Variants in PLIN1 observed in about 807,000 individuals in gnomAD.
The protein encoded by PLIN1 is perilipin-1.
PLIN1 carries 37 observed loss-of-function variants against 45.8 expected under a neutral mutation model. The observed-to-expected ratio is 0.81, with a 90% CI of 0.62 to 1.06. PLIN1 has a LOEUF of 1.06. PLIN1 is among the 50% of genes least tolerant of loss of function. The probability of loss-of-function intolerance (pLI) is 0.00; values close to 1 mark genes in which losing one functional copy is unlikely to be tolerated. For missense variants in PLIN1, 776 were observed against 716.5 expected, an observed-to-expected ratio of 1.08 and a Z score of -0.95; for synonymous variants, 340 against 309.2, an observed-to-expected ratio of 1.10 and a Z score of -1.05.
intron 2 of PLIN1, among the ~76,000 whole-genome samples, chr15:89,673,890 T>C (rs1370514011): frequency 6.6e-6 from 1 of 152,212 alleles, no homozygotes; most frequent in African/African-American, 2.4e-5. Flanking sequence ...CCACAGCCCT[T>C]GCTGCCTGGC....
intron 8 of PLIN1, 114 bp from the exon 9 acceptor site, chr15:89,666,056 G>C: frequency 2.6e-6 from 2 of 776,224 alleles, no homozygotes; most frequent in Non-Finnish European, 3.7e-6. Flanking sequence ...CCGTCAGGAG[G>C]ACACAGGCTG....
At chr15:89,671,351 C>A in intron 4 of PLIN1, 131 bp downstream of exon 4, 1 of 691,816 alleles carries the variant, frequency 1.4e-6, no homozygotes. Flanking sequence ...AGGCACTCTC[C>A]GCCAGCCTTG....
chr15:89,667,111 G>T lies in PLIN1; in HGVS notation c.1034C>A (p.Thr345Asn). 6.2e-7 allele frequency: 1 copy of T among 1,614,064 alleles called. No individual in the cohort carries two copies. The highest frequency in any genetic ancestry group is 8.5e-7 in the Non-Finnish European group (1 of 1,180,000). The change falls in exon 8 of 9, where the codon ACC becomes AAC. Residue 345 changes from threonine to asparagine, a missense_variant. Thr to Asn is a moderately conservative substitution (Grantham distance 65, BLOSUM62 0). Transcript: ENST00000300055. ...TGCCCATGTCACAGCCGAGATGGTG[G>T]TCTGGAGGGTCTTCTGCAGGGTATG... is the stretch of plus-strand genomic sequence containing the variant. ...VAHTLQKTLQ[T>N]TISAVTWAPA...
chr15:89,665,380 T>A lies in PLIN1; in HGVS notation c.*203A>T, dbSNP rs989577346. 1.3e-5 allele frequency: 5 copies of A among 389,398 alleles called. No individual in the cohort carries two copies. The highest frequency in any genetic ancestry group is 2.2e-5 in the Non-Finnish European group (5 of 222,604). The allele number at this position is 389,398 out of a possible 1,614,324, so 24.1% of individuals were successfully genotyped here. A position where few individuals can be genotyped will look rare whatever the true frequency, so the allele number is the denominator to read the frequency against. ...TCTGGTGTCCCTTAAAAACTGGCTC[T>A]GAGAGTGAAGCCCCAAAAGGATGCT... On this transcript the variant is annotated 3_prime_UTR_variant, in exon 9 of 9. Transcript: ENST00000300055.
Position 89,673,244 on chromosome 15 carries a change from G to C in PLIN1, c.216C>G (p.Ser72Arg). Residue 72 changes from serine (S) to arginine (R), a missense_variant, in exon 3 of 9, where the codon AGC becomes AGG. Physicochemically the swap from Ser to Arg is moderately radical, Grantham distance 110. Transcript: ENST00000300055. ...VQSASSLAAW[S>R]MEPVVRRLST... ...ACAGCCTGCGGACCACCGGCTCCAT[G>C]CTCCAGGCAGCCAAGCTACTGGCGC... The C allele has an allele frequency of 6.3e-7, 1 of 1,577,046 alleles. No homozygotes were observed. Among genetic ancestry groups the C allele is most frequent in the Non-Finnish European group, 8.6e-7 (1 of 1,160,122 alleles).
In PLIN1 at chr15:89,665,404, CTAAAAAAAAAA is replaced by C. The variant is rs1964314631; in HGVS notation, c.*168_*178del. ...CTGAGAGTGAAGCCCCAAAAGGATG[CTAAAAAAAAAA>C]TAAAAATAAAATAAAAATAAAAAGT... On this transcript the variant is annotated 3_prime_UTR_variant, in exon 9 of 9. Coordinates refer to ENST00000300055, the MANE Select transcript of PLIN1 (RefSeq NM_002666.5). The C allele has an allele frequency of 4.5e-6, 2 of 446,462 alleles. No individual in the cohort carries two copies. Among genetic ancestry groups the C allele is most frequent in the South Asian group, 6.9e-5 (1 of 14,434 alleles). The allele number at this position is 446,462 out of a possible 1,614,324, so 27.7% of individuals were successfully genotyped here. A position where few individuals can be genotyped will look rare whatever the true frequency, so the allele number is the denominator to read the frequency against.
rs1964302557 is a variant in PLIN1 at position 89,664,650 on chromosome 15, C to T, written c.*933G>A. The T allele has an allele frequency of 2.8e-6, 1 of 351,416 alleles. No homozygotes were observed. The highest frequency in any genetic ancestry group is 3.8e-5 in the Admixed American group (1 of 26,280). The allele number at this position is 351,416 out of a possible 1,614,324, so 21.8% of individuals were successfully genotyped here. On this transcript the variant is annotated 3_prime_UTR_variant, in exon 9 of 9. Coordinates refer to ENST00000300055, the MANE Select transcript of PLIN1 (RefSeq NM_002666.5). ...GTGCATACACACGTGCCTGCAGGTGCATAGCCCTGCATACACAAGAGATGG... is the reference window on the plus strand; with the variant it reads ...GTGCATACACACGTGCCTGCAGGTGTATAGCCCTGCATACACAAGAGATGG...
In PLIN1 at chr15:89,670,355, G is replaced by C. The variant is rs1412384238; in HGVS notation, c.334-111C>G. The C allele has an allele frequency of 2.7e-6, 3 of 1,124,728 alleles. No individual in the cohort carries two copies. In the African/African-American group the frequency reaches 4.6e-5, roughly 17 times the overall value. 69.7% of individuals were successfully genotyped at this position (1,124,728 alleles called of 1,614,324 possible). The stretch of plus-strand genomic sequence containing the variant: ...AGCTCCCAGGAAGGCATCACCTAAA[G>C]GCCCAGGGAACTGGTACTGATATTT... On this transcript the variant is annotated intron_variant, in intron 4 of 8. Coordinates refer to ENST00000300055, the MANE Select transcript of PLIN1 (RefSeq NM_002666.5).
intron 1 of PLIN1, 122 bp from the exon 2 acceptor site, chr15:89,677,625 C>G (rs1964538818): frequency 6.2e-6 from 5 of 812,190 alleles, no homozygotes; most frequent in Non-Finnish European, 1.1e-5. Flanking sequence ...TTGCCCTGAA[C>G]AGAAGGCATT....
chr15:89,665,741 C>T lies in PLIN1; in HGVS notation c.1411G>A (p.Glu471Lys). Reference protein sequence around the residue: ...SPGAPPGPGLEDEVATPAAPR... With the variant: ...SPGAPPGPGLKDEVATPAAPR... ...GCTGCGGGCGTGGCGACTTCGTCCTCCAGGCCCGGGCCGGGGGGCGCGCCG... is the reference window on the plus strand; with the variant it reads ...GCTGCGGGCGTGGCGACTTCGTCCTTCAGGCCCGGGCCGGGGGGCGCGCCG... Residue 471 changes from glutamate (E) to lysine (K), a missense_variant, in exon 9 of 9, where the codon GAG (glutamate) becomes AAG (lysine). Transcript: ENST00000300055. 7.1e-7 allele frequency: 1 copy of T among 1,413,578 alleles called. No homozygotes were observed. The highest frequency in any genetic ancestry group is 9.2e-7 in the Non-Finnish European group (1 of 1,085,360). 87.6% of individuals were successfully genotyped at this position (1,413,578 alleles called of 1,614,324 possible). A position where few individuals can be genotyped will look rare whatever the true frequency, so the allele number is the denominator to read the frequency against.
Position 89,667,090 on chromosome 15 carries a change from C to T in PLIN1, c.1055G>A (p.Trp352Ter). 2 of 1,614,096 alleles carry T rather than the reference C, an allele frequency of 1.2e-6. No individual in the cohort carries two copies. The highest frequency in any genetic ancestry group is 8.5e-7 in the Non-Finnish European group (1 of 1,180,006). Residue 352 changes from tryptophan (W) to a stop codon, truncating the protein, a stop_gained, in exon 8 of 9, where the codon TGG becomes TAG. Coordinates refer to ENST00000300055, the MANE Select transcript of PLIN1 (RefSeq NM_002666.5). LOFTEE classifies it high-confidence loss of function. ...CATGCCCAGCACAGCTGCAGGTGCC[C>T]ATGTCACAGCCGAGATGGTGGTCTG... ...TLQTTISAVT[W>*]APAAVLGMAG...
intron 8 of PLIN1, among the ~76,000 whole-genome samples, chr15:89,666,453 GGC>G (rs1964342137): frequency 1.3e-5 from 2 of 152,170 alleles, no homozygotes; most frequent in African/African-American, 4.8e-5. Context: ...TTTGGAAAGG[GGC>G]TCCCAAAGGG....
rs1053448161 is a variant in PLIN1 at position 89,673,497 on chromosome 15, A to G, written c.46-83T>C. On this transcript the variant is annotated intron_variant, in intron 2 of 8. Coordinates refer to ENST00000300055, the MANE Select transcript of PLIN1 (RefSeq NM_002666.5). ...GCTGACCCCGGGGTCATGGGGACCAATGGTGCAACTAGCCTGAGTCCAAGC... is the reference window on the plus strand; with the variant it reads ...GCTGACCCCGGGGTCATGGGGACCAGTGGTGCAACTAGCCTGAGTCCAAGC... The G allele has an allele frequency of 1.4e-5, 16 of 1,105,352 alleles. No homozygotes were observed. In the Admixed American group the frequency reaches 2.2e-4, roughly 15 times the overall value. 68.5% of individuals were successfully genotyped at this position (1,105,352 alleles called of 1,614,324 possible).
At chr15:89,672,703 T>C (rs1219678473) in intron 3 of PLIN1, among the ~76,000 whole-genome samples, 2 of 152,228 alleles carry the variant, frequency 1.3e-5, no homozygotes, top group African/African-American at 4.8e-5. Context: ...ATCTTCTGCC[T>C]CTAGGGCCCT....
chr15:89,667,089 CCATGTCA>C lies in PLIN1; in HGVS notation c.1049_1055del (p.Val350GlyfsTer36), dbSNP rs771994170. ...CCATGCCCAGCACAGCTGCAGGTGCCCATGTCACAGCCGAGATGGTGGTCTGGAGGGT... is the reference window on the plus strand; with the variant it reads ...CCATGCCCAGCACAGCTGCAGGTGCCCAGCCGAGATGGTGGTCTGGAGGGT... On this transcript the variant is annotated frameshift_variant, in exon 8 of 9. Transcript: ENST00000300055. LOFTEE classifies it high-confidence loss of function. 6.2e-7 allele frequency: 1 copy of C among 1,614,096 alleles called. No homozygotes were observed. Among genetic ancestry groups the C allele is most frequent in the Non-Finnish European group, 8.5e-7 (1 of 1,180,020 alleles).
chr15:89,673,564 C>T, intron 2 of PLIN1, 150 bp from the exon 3 acceptor site: 2 of 684,964 alleles, frequency 2.9e-6, no homozygotes, highest in South Asian at 3.2e-5. Context: ...CTAGATGCCC[C>T]AATCATGGGA....
In PLIN1 at chr15:89,667,670, T is replaced by C. The variant is rs1221151240; in HGVS notation, c.895A>G (p.Thr299Ala). The part of the protein sequence containing the change: ...AAQEEDHEDQ[T>A]DTEGEDTEEE... ...TCCGTGTCCTCTCCCTCCGTGTCTG[T>C]CTGGTCCTCATGATCCTCCTCCTGG... The change falls in exon 7 of 9, where the codon ACA becomes GCA. Residue 299 changes from threonine to alanine, a missense_variant. Coordinates refer to ENST00000300055, the MANE Select transcript of PLIN1 (RefSeq NM_002666.5). The C allele has an allele frequency of 1.2e-6, 2 of 1,606,266 alleles. No homozygotes were observed. Among genetic ancestry groups the C allele is most frequent in the Non-Finnish European group, 1.7e-6 (2 of 1,176,216 alleles).
chr15:89,667,931 A>G (rs1964379823), intron 6 of PLIN1, 138 bp from the exon 7 acceptor site: 2 of 1,227,314 alleles, frequency 1.6e-6, no homozygotes, highest in Admixed American at 6.4e-5. Flanking sequence ...TTTTCTGGAA[A>G]CTTTTTATTG....
rs1192814819 is a variant in PLIN1 at position 89,669,483 on chromosome 15, T to G, written c.771+17A>C. On this transcript the variant is annotated intron_variant, in intron 6 of 8. Coordinates refer to ENST00000300055, the MANE Select transcript of PLIN1 (RefSeq NM_002666.5). ...TCCCAGGCACCGGGTCAGTCAGAGC[T>G]CACGGCAGATACTTACCAGGGGCAC... 2 of 1,606,882 alleles carry G rather than the reference T, an allele frequency of 1.2e-6. No individual in the cohort carries two copies. The highest frequency in any genetic ancestry group is 4.5e-5 in the East Asian group (2 of 44,858).
Sources: gnomAD v4.1 joint callset for allele counts (sites outside exome capture counted in the v4.1 genomes callset) on GRCh38, gnomAD v4.1.1 for gene constraint, MANE v1.5 for transcripts, NCBI Gene and HGNC (gene_info 2026-07-23, HGNC 2026-07-21) for gene names.